Variants in NAA11 observed in about 807,000 individuals in gnomAD.
NAA11 encodes the protein N-alpha-acetyltransferase 11.
A neutral mutation model predicts 16.1 loss-of-function variants in NAA11; 15 were observed. The ratio of observed to expected loss-of-function variants is 0.93; its 90% confidence interval spans 0.62 to 1.44. The LOEUF (loss-of-function observed/expected upper bound fraction) is 1.44. Among genes scored for constraint, NAA11 ranks in the 40% most tolerant of loss-of-function variants. The probability of loss-of-function intolerance (pLI) is 0.00; values close to 1 mark genes in which losing one functional copy is unlikely to be tolerated. For missense variants in NAA11, 298 were observed against 291.3 expected (o/e 1.02, Z -0.17); for synonymous variants, 122 against 112.4 (o/e 1.09, Z -0.54).
intron 1 of NAA11, among the ~76,000 whole-genome samples, chr4:79,320,787 A>G (rs1578197487): frequency 6.6e-6 from 1 of 151,992 alleles, no homozygotes; most frequent in Non-Finnish European, 1.5e-5. Context: ...AAAATGAAAA[A>G]TATTTTTTTT....
chr4:79,231,592 C>T (rs1721468476), intron 2 of NAA11, among the ~76,000 whole-genome samples: 2 of 151,806 alleles, frequency 1.3e-5, no homozygotes, highest in Admixed American at 6.6e-5. Context: ...AGGAGTCCCA[C>T]ATTTTCTAGT....
At chr4:79,224,209 C>T (rs560971027), downstream of NAA11, among the ~76,000 whole-genome samples, 1 of 152,124 alleles carries the variant, frequency 6.6e-6, no homozygotes, top group Non-Finnish European at 1.5e-5. Context: ...GGATGTGGCT[C>T]CAGGTGACAT....
downstream of NAA11, among the ~76,000 whole-genome samples, chr4:79,312,139 A>T (rs1723788001): frequency 1.3e-5 from 2 of 152,232 alleles, no homozygotes; most frequent in African/African-American, 2.4e-5. Context: ...ATATTTGTTT[A>T]TTAAAGACCT....
chr4:79,198,001 G>C, the NAA11 span, among the ~76,000 whole-genome samples: 5 of 151,886 alleles, frequency 3.3e-5, no homozygotes, highest in Middle Eastern at 3.2e-3. Context: ...TTTAGTTTCA[G>C]CTGAAGGAGC....
intron 2 of NAA11, among the ~76,000 whole-genome samples, chr4:79,278,707 T>C (rs1345189765): frequency 6.6e-6 from 1 of 152,132 alleles, no homozygotes; most frequent in Non-Finnish European, 1.5e-5. Context: ...TTGTTTTTAG[T>C]TTATCTGTTT....
intron 2 of NAA11, among the ~76,000 whole-genome samples, chr4:79,235,269 G>A (rs538212514): frequency 1.6e-3 from 240 of 152,042 alleles, no homozygotes; most frequent in Admixed American, 3.5e-3. Flanking sequence ...CCCTGACTCT[G>A]GGGTTCCCTT....
chr4:79,234,781 A>T (rs1033366576), intron 2 of NAA11, among the ~76,000 whole-genome samples: 2 of 152,158 alleles, frequency 1.3e-5, no homozygotes, highest in African/African-American at 4.8e-5. Flanking sequence ...ATATCAATTG[A>T]TTATTTTTTA....
At chr4:79,197,303 T>G in the NAA11 span, among the ~76,000 whole-genome samples, 1 of 152,014 alleles carries the variant, frequency 6.6e-6, no homozygotes, top group Non-Finnish European at 1.5e-5. Context: ...TGGGTTCTAT[T>G]TATTCATTCA....
At chr4:79,165,956 C>CTTTCT in the NAA11 span, among the ~76,000 whole-genome samples, 104,573 of 151,486 alleles carry the variant, frequency 0.69, 39,715 homozygotes, top group East Asian at 1. Flanking sequence ...AGAAGGATGA[C>CTTTCT]TTTCTTTTCT....
intron 2 of NAA11, among the ~76,000 whole-genome samples, chr4:79,226,573 C>T (rs1721319868): frequency 9.2e-6 from 1 of 109,152 alleles, no homozygotes; most frequent in Admixed American, 1.1e-4. Flanking sequence ...TGCTATCCCT[C>T]CCCCCTCCCC....
the NAA11 span, among the ~76,000 whole-genome samples, chr4:79,207,420 T>C: frequency 2.0e-5 from 3 of 148,690 alleles, no homozygotes; most frequent in Admixed American, 6.7e-5. Flanking sequence ...ATTGTTGTGC[T>C]TTGGAAGAAG....
the NAA11 span, among the ~76,000 whole-genome samples, chr4:79,167,270 T>TATAGAGAGAGAG: frequency 1.0e-5 from 1 of 98,484 alleles, no homozygotes; most frequent in African/African-American, 4.0e-5. Flanking sequence ...TATATATATA[T>TATAGAGAGAGAG]AGAGAGAGAG....
intron 2 of NAA11, among the ~76,000 whole-genome samples, chr4:79,248,474 A>T (rs1465194152): frequency 1.3e-5 from 2 of 152,012 alleles, no homozygotes; most frequent in Non-Finnish European, 2.9e-5. Context: ...CTGCTGTGCC[A>T]CCATTGACAA....
chr4:79,203,665 A>T, the NAA11 span, among the ~76,000 whole-genome samples: 1 of 151,670 alleles, frequency 6.6e-6, no homozygotes, highest in Admixed American at 6.6e-5. Context: ...TCTACATATA[A>T]CCACAGGGGC....
rs537930574 is a variant in NAA11, at chr4:79,239,156, C to G, written c.*123-12886G>C. Among the ~76,000 whole-genome samples the G allele has an allele frequency of 6.0e-4, 91 of 152,270 alleles. 1 individual carries two copies. Among genetic ancestry groups the G allele is most frequent in the Non-Finnish European group, 1.1e-3 (73 of 68,014 alleles). ...GGCAAGGCTTGGGAGTCAGCTAGTA[C>G]TAAATGAATCTAGGGAGTCTTGTAG... On this transcript the variant is annotated intron_variant and NMD_transcript_variant, in intron 2 of 2. Transcript: ENST00000511542.
At chr4:79,303,074 T>TTTTA in intron 1 of NAA11, among the ~76,000 whole-genome samples, 1 of 72,284 alleles carries the variant, frequency 1.4e-5, no homozygotes, top group Non-Finnish European at 2.6e-5. Flanking sequence ...TCTTGAGGCC[T>TTTTA]TTTATATATA....
chr4:79,277,444 G>T (rs187476212), intron 2 of NAA11, among the ~76,000 whole-genome samples: 1 of 152,186 alleles, frequency 6.6e-6, no homozygotes, highest in African/African-American at 2.4e-5. Flanking sequence ...TGTTTAAAAA[G>T]TTTGAAAAGA....
At chr4:79,174,264 T>C in the NAA11 span, among the ~76,000 whole-genome samples, 1 of 152,166 alleles carries the variant, frequency 6.6e-6, no homozygotes, top group East Asian at 1.9e-4. Context: ...TCTCTGAGAA[T>C]TAGACATTTT....
At chr4:79,205,325 C>T in the NAA11 span, among the ~76,000 whole-genome samples, 1 of 151,826 alleles carries the variant, frequency 6.6e-6, no homozygotes, top group Non-Finnish European at 1.5e-5. Context: ...GTTGTGCCGA[C>T]ATCTATTTTT....
Sources: allele counts gnomAD v4.1 joint callset (sites outside exome capture counted in the v4.1 genomes callset), GRCh38; gene constraint gnomAD v4.1.1; transcripts MANE v1.5; gene names NCBI Gene and HGNC (gene_info 2026-07-23, HGNC 2026-07-21).